DECR1: variants seen among roughly 807,000 people sequenced by gnomAD.
DECR1 encodes the protein 2,4-dienoyl-CoA reductase [(3E)-enoyl-CoA-producing], mitochondrial.
In DECR1, 44 loss-of-function variants were observed where a neutral mutation model predicts 38.8. The observed-to-expected ratio is 1.13, with a 90% CI of 0.89 to 1.46. DECR1 has a LOEUF of 1.46. Among genes scored for constraint, DECR1 ranks in the 40% most tolerant of loss-of-function variants. The pLI, the probability that DECR1 is intolerant of heterozygous loss-of-function variation, is 0.00. For synonymous variants in DECR1, 148 were observed against 135.2 expected, an observed-to-expected ratio of 1.09 and a Z score of -0.66; for missense variants, 428 against 405.5, an observed-to-expected ratio of 1.06 and a Z score of -0.48.
At chr8:90,006,102 C>T (rs903734618) in intron 1 of DECR1, 1 of 662,050 alleles carries the variant, frequency 1.5e-6, no homozygotes, top group Non-Finnish European at 2.8e-6. Flanking sequence ...CCCATTAGAC[C>T]CCACCTCCAA....
intron 8 of DECR1, among the ~76,000 whole-genome samples, chr8:90,045,481 A>G (rs1282787075): frequency 3.3e-5 from 5 of 152,076 alleles, no homozygotes; most frequent in Admixed American, 3.3e-4. Context: ...AGACTGGGGG[A>G]GGGGTGTCCG....
At chr8:90,011,330 G>A (rs919074288) in intron 1 of DECR1, among the ~76,000 whole-genome samples, 2 of 152,146 alleles carry the variant, frequency 1.3e-5, no homozygotes. Flanking sequence ...TAATATAGAT[G>A]TGCTCTAATT....
intron 6 of DECR1, among the ~76,000 whole-genome samples, chr8:90,038,236 C>T (rs1022798245): frequency 2.6e-5 from 4 of 152,058 alleles, no homozygotes; most frequent in African/African-American, 9.7e-5. Flanking sequence ...TACCATACAG[C>T]TTTCATATGT....
chr8:90,035,985 A>G (rs566055600), intron 5 of DECR1, among the ~76,000 whole-genome samples: 1 of 152,174 alleles, frequency 6.6e-6, no homozygotes, highest in South Asian at 2.1e-4. Context: ...GAAGCTGCTT[A>G]GAACTCCCAT....
chr8:90,039,551 G>T (rs1011427239), intron 6 of DECR1, among the ~76,000 whole-genome samples: 1 of 152,184 alleles, frequency 6.6e-6, no homozygotes, highest in Admixed American at 6.6e-5. Flanking sequence ...ACAATTCAGA[G>T]TGAGATTTGG....
At chr8:90,004,014 A>C (rs553212903) in intron 1 of DECR1, among the ~76,000 whole-genome samples, 42 of 152,156 alleles carry the variant, frequency 2.8e-4, no homozygotes, top group Non-Finnish European at 5.0e-4. Context: ...CATTTTGTGA[A>C]ACTTTAAAAA....
chr8:90,052,008 A>T lies in DECR1; in HGVS notation c.*111A>T. 1 of 922,066 alleles carries T rather than the reference A, an allele frequency of 1.1e-6. No homozygotes were observed. Among genetic ancestry groups the T allele is most frequent in the Non-Finnish European group, 1.7e-6 (1 of 587,298 alleles). The allele number at this position is 922,066 out of a possible 1,614,324, so 57.1% of individuals were successfully genotyped here. ...ATAAATTCTTAATTAACAAACATTC[A>T]TTGAATATGTATTATGTGCCAGGCC... On this transcript the variant is annotated 3_prime_UTR_variant, in exon 10 of 10. Coordinates refer to ENST00000220764, the MANE Select transcript of DECR1 (RefSeq NM_001359.2).
chr8:90,022,428 G>C (rs962669151), intron 5 of DECR1, among the ~76,000 whole-genome samples: 1 of 151,936 alleles, frequency 6.6e-6, no homozygotes, highest in Non-Finnish European at 1.5e-5. Flanking sequence ...GAAATTCCTG[G>C]TTACTCATTT....
chr8:90,020,536 G>A (rs138819387), intron 4 of DECR1, among the ~76,000 whole-genome samples: 104 of 152,170 alleles, frequency 6.8e-4, no homozygotes, highest in Admixed American at 1.5e-3. Flanking sequence ...ATACAGGCAC[G>A]TGCCACCACA....
At chr8:90,006,248 G>C (rs952114736) in intron 1 of DECR1, 2 of 704,090 alleles carry the variant, frequency 2.8e-6, no homozygotes, top group Non-Finnish European at 5.2e-6. Context: ...GTCAGGACTG[G>C]GGAAGAAGCA....
At chr8:90,040,783 TC>T (rs1314437817) in intron 6 of DECR1, among the ~76,000 whole-genome samples, 1 of 152,176 alleles carries the variant, frequency 6.6e-6, no homozygotes, top group Non-Finnish European at 1.5e-5. Context: ...TTCATCCACA[TC>T]CCTGCAAAGT....
intron 6 of DECR1, among the ~76,000 whole-genome samples, chr8:90,038,016 T>C (rs1420176308): frequency 6.6e-6 from 1 of 152,216 alleles, no homozygotes; most frequent in Admixed American, 6.5e-5. Flanking sequence ...CACTATGGCA[T>C]TCTAAACAGA....
rs765056874 is a variant in DECR1 at position 90,019,135 on chromosome 8, C to T, written c.380C>T (p.Thr127Ile). ...AGGGATCCTGATATGGTTCAAAACA[C>T]TGTGTCAGAACTGATCAAAGTTGCA... The part of the protein sequence containing the change: ...DVRDPDMVQN[T>I]VSELIKVAGH... The change falls in exon 4 of 10, where the codon ACT becomes ATT. Residue 127 changes from threonine to isoleucine, a missense_variant. Transcript: ENST00000220764. 2.5e-6 allele frequency: 4 copies of T among 1,614,078 alleles called. No homozygotes were observed. The African/African-American group carries it at 4.0e-5, about 16-fold the overall frequency.
intron 5 of DECR1, among the ~76,000 whole-genome samples, chr8:90,024,777 G>C (rs908704074): frequency 2.0e-5 from 3 of 152,126 alleles, no homozygotes; most frequent in African/African-American, 7.2e-5. Flanking sequence ...TGGTGTTTTA[G>C]ACATGAAGCC....
chr8:90,045,704 T>C (rs1045888404), intron 8 of DECR1, among the ~76,000 whole-genome samples: 4 of 151,844 alleles, frequency 2.6e-5, no homozygotes, highest in Non-Finnish European at 5.9e-5. Flanking sequence ...CAGCATGGAG[T>C]TGGAGATCTG....
intron 2 of DECR1, 189 bp from the exon 3 acceptor site, chr8:90,018,720 T>C: frequency 1.9e-6 from 1 of 527,336 alleles, no homozygotes; most frequent in Non-Finnish European, 3.4e-6. Context: ...ACTAATTCAA[T>C]AAGTTAGTAT....
chr8:90,024,519 T>C (rs1345635486), intron 5 of DECR1, among the ~76,000 whole-genome samples: 4 of 152,244 alleles, frequency 2.6e-5, no homozygotes, highest in Non-Finnish European at 4.4e-5. Context: ...ATGTCTTCTT[T>C]TGAGAAGTGT....
intron 8 of DECR1, among the ~76,000 whole-genome samples, chr8:90,047,218 A>G (rs1320131159): frequency 1.3e-5 from 2 of 152,218 alleles, no homozygotes; most frequent in East Asian, 1.9e-4. Context: ...AAATGCTCCA[A>G]TTAAAAGACA....
intron 5 of DECR1, chr8:90,029,454 G>T (rs368481818): frequency 2.0e-5 from 3 of 152,246 alleles, no homozygotes; most frequent in East Asian, 3.9e-4. Flanking sequence ...GGGAAAGAGT[G>T]AAGTGAATAA....
Sources: allele counts gnomAD v4.1 joint callset (sites outside exome capture counted in the v4.1 genomes callset), GRCh38; gene constraint gnomAD v4.1.1; transcripts MANE v1.5; gene names NCBI Gene and HGNC (gene_info 2026-07-23, HGNC 2026-07-21).